Variants in UBE2W observed in about 807,000 individuals in gnomAD.
UBE2W encodes ubiquitin-conjugating enzyme E2 W.
A neutral mutation model predicts 27.2 loss-of-function variants in UBE2W; 18 were observed. The ratio of observed to expected loss-of-function variants is 0.66; its 90% CI spans 0.46 to 0.98. UBE2W has a LOEUF of 0.98. Among genes scored for constraint, UBE2W ranks in the 50% least tolerant of loss-of-function variants. The pLI is 0.00. For missense variants in UBE2W, 90 were observed against 180.2 expected (o/e 0.50, Z 2.87); for synonymous variants, 53 against 57.2 (o/e 0.93, Z 0.33).
chr8:73,832,285 A>C (rs1810105639), intron 1 of UBE2W, among the ~76,000 whole-genome samples: 1 of 152,078 alleles, frequency 6.6e-6, no homozygotes, highest in Non-Finnish European at 1.5e-5. Flanking sequence ...TAAGTTACAG[A>C]GTGAGATTCT....
chr8:73,869,151 C>T (rs1472971453), intron 1 of UBE2W, among the ~76,000 whole-genome samples: 1 of 152,202 alleles, frequency 6.6e-6, no homozygotes, highest in African/African-American at 2.4e-5. Context: ...ATGAACTGGG[C>T]ATGGTGGCTC....
rs1554579998 is a variant in UBE2W at position 73,805,472 on chromosome 8, C to CAAAACAAAA, written c.442+178_442+179insTTTTGTTTT. On this transcript the variant is annotated intron_variant, in intron 5 of 5. Coordinates refer to ENST00000602593, the MANE Select transcript of UBE2W (RefSeq NM_018299.6). ...TCCATCTCAAAAAAAAAAAAAAAAA[C>CAAAACAAAA]AAAAAAAACTAGGGTAATTCATCCA... Among the ~76,000 whole-genome samples the CAAAACAAAA allele has an allele frequency of 1.1e-3, 46 of 43,674 alleles. 2 individuals carry two copies. Among genetic ancestry groups the CAAAACAAAA allele is most frequent in the Non-Finnish European group, 4.0e-4 (8 of 20,122 alleles). The allele number at this position is 43,674 out of a possible 152,430, so 28.7% of individuals were successfully genotyped here. A position where few individuals can be genotyped will look rare whatever the true frequency, so the allele number is the denominator to read the frequency against.
At chr8:73,867,998 C>T (rs935466523) in intron 1 of UBE2W, among the ~76,000 whole-genome samples, 1 of 152,104 alleles carries the variant, frequency 6.6e-6, no homozygotes, top group African/African-American at 2.4e-5. Context: ...TGTGGTATTG[C>T]GATTTACAAC....
chr8:73,811,518 A>T (rs1011990738), intron 3 of UBE2W, among the ~76,000 whole-genome samples: 2 of 152,140 alleles, frequency 1.3e-5, no homozygotes, highest in Non-Finnish European at 2.9e-5. Flanking sequence ...TACTATATTT[A>T]TTCTACAGGT....
At chr8:73,809,634 G>C (rs1332653666) in intron 4 of UBE2W, among the ~76,000 whole-genome samples, 5 of 152,232 alleles carry the variant, frequency 3.3e-5, no homozygotes, top group Admixed American at 1.3e-4. Context: ...CACCCAGGCT[G>C]TAGTGTAGTG....
chr8:73,873,118 G>A (rs1365744296), intron 1 of UBE2W, among the ~76,000 whole-genome samples: 1 of 151,732 alleles, frequency 6.6e-6, no homozygotes, highest in African/African-American at 2.4e-5. Flanking sequence ...CATGTTGGCC[G>A]GGCTGGTCTC....
chr8:73,798,419 T>C (rs1282126527), intron 5 of UBE2W, among the ~76,000 whole-genome samples: 1 of 152,238 alleles, frequency 6.6e-6, no homozygotes, highest in Non-Finnish European at 1.5e-5. Context: ...ATTATGTATA[T>C]GCAAATATTC....
chr8:73,787,300 TTATG>T lies in UBE2W; in HGVS notation c.*6798_*6801del, dbSNP rs1807995980. The T allele has an allele frequency of 2.0e-6, 2 of 985,326 alleles. No individual in the cohort carries two copies. Among genetic ancestry groups the T allele is most frequent in the African/African-American group, 1.7e-5 (1 of 57,236 alleles). 61.0% of individuals were successfully genotyped at this position (985,326 alleles called of 1,614,324 possible). A position where few individuals can be genotyped will look rare whatever the true frequency, so the allele number is the denominator to read the frequency against. On this transcript the variant is annotated 3_prime_UTR_variant, in exon 6 of 6. Transcript: ENST00000602593. Reference sequence around the variant, plus strand: ...AGCTTATGTTTAATTTTGTTACGTGTTATGTTAGTGTGAAAATGAGTAAGAAATA... The same window carrying T: ...AGCTTATGTTTAATTTTGTTACGTGTTTAGTGTGAAAATGAGTAAGAAATA...
At chr8:73,782,081 C>T (rs1807857055), downstream of UBE2W, among the ~76,000 whole-genome samples, 1 of 151,558 alleles carries the variant, frequency 6.6e-6, no homozygotes, top group South Asian at 2.1e-4. Context: ...GCTGGAACTA[C>T]AGGCATGTGC....
At position 73,790,882 on chromosome 8, in the gene UBE2W, C is replaced by G. The variant is rs1332022416; in HGVS notation, c.*3220G>C. The G allele has an allele frequency of 1.2e-5, 12 of 984,944 alleles. No homozygotes were observed. The highest frequency in any genetic ancestry group is 1.4e-5 in the Non-Finnish European group (12 of 829,700). The allele number at this position is 984,944 out of a possible 1,614,324, so 61.0% of individuals were successfully genotyped here. A position where few individuals can be genotyped will look rare whatever the true frequency, so the allele number is the denominator to read the frequency against. ...AGTCACTAGACACCTGTTTTAGAATCTGAAGAAATTATTATCCACCACAGG... is the reference window on the plus strand; with the variant it reads ...AGTCACTAGACACCTGTTTTAGAATGTGAAGAAATTATTATCCACCACAGG... On this transcript the variant is annotated 3_prime_UTR_variant, in exon 6 of 6. Transcript: ENST00000602593.
At chr8:73,878,331 C>T (rs1217376236) in intron 1 of UBE2W, among the ~76,000 whole-genome samples, 3 of 152,236 alleles carry the variant, frequency 2.0e-5, no homozygotes, top group Non-Finnish European at 4.4e-5. Flanking sequence ...TAAGCGCCGT[C>T]CGCAGCCAGC....
At chr8:73,864,258 G>T (rs1349008852) in intron 1 of UBE2W, among the ~76,000 whole-genome samples, 1 of 152,166 alleles carries the variant, frequency 6.6e-6, no homozygotes, top group Admixed American at 6.6e-5. Flanking sequence ...GCCAGGCATG[G>T]TGGCACATGA....
At chr8:73,850,002 A>G (rs1811005850) in intron 1 of UBE2W, among the ~76,000 whole-genome samples, 1 of 152,224 alleles carries the variant, frequency 6.6e-6, no homozygotes, top group Non-Finnish European at 1.5e-5. Flanking sequence ...ATAGATAAGC[A>G]AAGGACAATC....
In UBE2W at chr8:73,788,949, ATTT is replaced by A. The variant is rs1808076922; in HGVS notation, c.*5150_*5152del. Reference sequence around the variant, plus strand: ...CCACATACTCAAAATACCCTCAGATATTTTATTAACAAAAAATTTTTCATAAAA... The same window carrying A: ...CCACATACTCAAAATACCCTCAGATATATTAACAAAAAATTTTTCATAAAA... On this transcript the variant is annotated 3_prime_UTR_variant, in exon 6 of 6. Transcript: ENST00000602593. 1 of 984,010 alleles carries A rather than the reference ATTT, an allele frequency of 1.0e-6. No individual in the cohort carries two copies. The highest frequency in any genetic ancestry group is 6.2e-5 in the Admixed American group (1 of 16,260). The allele number at this position is 984,010 out of a possible 1,614,324, so 61.0% of individuals were successfully genotyped here. A position where few individuals can be genotyped will look rare whatever the true frequency, so the allele number is the denominator to read the frequency against.
chr8:73,869,824 T>C (rs553623138), intron 1 of UBE2W, among the ~76,000 whole-genome samples: 1 of 152,314 alleles, frequency 6.6e-6, no homozygotes, highest in Non-Finnish European at 1.5e-5. Context: ...ATTGTGCCAC[T>C]GCACTCCAGC....
chr8:73,800,807 C>A (rs115886631), intron 5 of UBE2W, among the ~76,000 whole-genome samples: 1,640 of 152,258 alleles, frequency 0.011, 25 homozygotes, highest in African/African-American at 0.038. Flanking sequence ...AAAATAACTT[C>A]TATTGGCTGG....
intron 1 of UBE2W, among the ~76,000 whole-genome samples, chr8:73,867,741 A>C (rs893972497): frequency 2.0e-5 from 3 of 152,054 alleles, no homozygotes; most frequent in Admixed American, 2.0e-4. Flanking sequence ...ATTATTGGGC[A>C]AAAAATTTGC....
chr8:73,861,508 G>A (rs1490932352), intron 1 of UBE2W, among the ~76,000 whole-genome samples: 1 of 152,074 alleles, frequency 6.6e-6, no homozygotes, highest in Non-Finnish European at 1.5e-5. Flanking sequence ...ATGGAGTCCT[G>A]CCATTGCTCA....
intron 5 of UBE2W, chr8:73,796,579 T>C: frequency 1.1e-6 from 1 of 897,424 alleles, no homozygotes; most frequent in Non-Finnish European, 1.3e-6. Flanking sequence ...TCCCAATCCC[T>C]GTTTCTGACT....
Sources: allele counts gnomAD v4.1 joint callset (sites outside exome capture counted in the v4.1 genomes callset), GRCh38; gene constraint gnomAD v4.1.1; transcripts MANE v1.5; gene names NCBI Gene and HGNC (gene_info 2026-07-23, HGNC 2026-07-21).